The following CPQ variants were observed in gnomAD, a reference collection of about 807,000 sequenced individuals.
CPQ encodes carboxypeptidase Q.
Under a neutral mutation model 45.7 loss-of-function variants are expected in CPQ, and 37 were observed. The observed-to-expected ratio is 0.81, with a 90% CI of 0.62 to 1.07. CPQ has a LOEUF of 1.07. CPQ is among the 50% of genes least tolerant of loss of function. The pLI, the probability that CPQ is intolerant of heterozygous loss-of-function variation, is 0.00. For missense variants in CPQ, 537 were observed against 572.9 expected (o/e 0.94, Z 0.64); for synonymous variants, 186 against 205.8 (o/e 0.90, Z 0.82).
At chr8:97,109,863 C>A (rs1464182119) in intron 7 of CPQ, among the ~76,000 whole-genome samples, 1 of 152,142 alleles carries the variant, frequency 6.6e-6, no homozygotes, top group Non-Finnish European at 1.5e-5. Context: ...CTTCTATCTC[C>A]ATTTCTTCCT....
At chr8:96,699,613 CTACT>C (rs1354705517) in intron 1 of CPQ, among the ~76,000 whole-genome samples, 1 of 151,740 alleles carries the variant, frequency 6.6e-6, no homozygotes, top group African/African-American at 2.4e-5. Flanking sequence ...ATATATATAC[CTACT>C]ATGTACCCAC....
chr8:96,688,951 T>C (rs1479485752), intron 1 of CPQ, among the ~76,000 whole-genome samples: 2 of 152,194 alleles, frequency 1.3e-5, no homozygotes, highest in African/African-American at 4.8e-5. Context: ...TCTCAGCATG[T>C]AGGCTCTTAA....
At chr8:96,905,715 A>C (rs1288334614) in intron 4 of CPQ, among the ~76,000 whole-genome samples, 1 of 150,354 alleles carries the variant, frequency 6.7e-6, no homozygotes, top group Non-Finnish European at 1.5e-5. Context: ...TTCCCTTTAC[A>C]CATGGTGAAA....
At chr8:96,711,086 C>A (rs1172098736) in intron 1 of CPQ, among the ~76,000 whole-genome samples, 1 of 151,906 alleles carries the variant, frequency 6.6e-6, no homozygotes, top group African/African-American at 2.4e-5. Context: ...TTTTTGCCCC[C>A]CCTTTTTTTC....
At chr8:96,822,408 G>C (rs1008788241) in intron 2 of CPQ, among the ~76,000 whole-genome samples, 4 of 151,898 alleles carry the variant, frequency 2.6e-5, no homozygotes, top group African/African-American at 9.7e-5. Flanking sequence ...ATATTCTTTG[G>C]ATATGTGTAC....
At chr8:97,030,293 A>C (rs1416011940) in intron 6 of CPQ, among the ~76,000 whole-genome samples, 3 of 152,102 alleles carry the variant, frequency 2.0e-5, no homozygotes, top group Non-Finnish European at 4.4e-5. Flanking sequence ...AGATGAGAAG[A>C]AGCAGATCTT....
At chr8:96,938,630 T>A (rs537874872) in intron 4 of CPQ, among the ~76,000 whole-genome samples, 1 of 152,220 alleles carries the variant, frequency 6.6e-6, no homozygotes, top group African/African-American at 2.4e-5. Context: ...ATGCAGCCAG[T>A]TCTTAGCAAC....
intron 5 of CPQ, among the ~76,000 whole-genome samples, chr8:96,968,676 T>C (rs970878117): frequency 1.3e-5 from 2 of 152,234 alleles, no homozygotes; most frequent in Non-Finnish European, 2.9e-5. Context: ...CAGTGGAGCG[T>C]GTTAACTTGA....
chr8:97,028,665 C>T (rs1809842229), intron 5 of CPQ, among the ~76,000 whole-genome samples: 1 of 152,170 alleles, frequency 6.6e-6, no homozygotes, highest in African/African-American at 2.4e-5. Context: ...ACTGAGCTGA[C>T]ATTGTCAGCC....
chr8:96,880,037 C>T (rs750129395), intron 4 of CPQ, 32 bp downstream of exon 4: 14 of 1,575,138 alleles, frequency 8.9e-6, no homozygotes, highest in Non-Finnish European at 1.1e-5. Flanking sequence ...CCTAAGAATA[C>T]AGTTTCCTGG....
intron 1 of CPQ, among the ~76,000 whole-genome samples, chr8:96,681,750 A>T (rs1809155388): frequency 6.6e-6 from 1 of 152,208 alleles, no homozygotes; most frequent in South Asian, 2.1e-4. Flanking sequence ...CCATGAAAGC[A>T]GCCAGGAGGG....
chr8:97,076,306 G>A (rs527956912), intron 7 of CPQ, among the ~76,000 whole-genome samples: 1 of 152,300 alleles, frequency 6.6e-6, no homozygotes, highest in Non-Finnish European at 1.5e-5. Context: ...TTACAGTCAT[G>A]AGCCACTGAG....
Position 96,918,338 on chromosome 8 carries a change from A to T in CPQ, c.849+38333A>T, listed in dbSNP as rs966260135. Among the ~76,000 whole-genome samples, 7 of 152,112 alleles carry T rather than the reference A, an allele frequency of 4.6e-5. No individual in the cohort carries two copies. The South Asian group carries it at 1.2e-3, about 27-fold the overall frequency. ...AGCTTTATTGTACCTCCTTTCCCTG[A>T]CCTATTTCTTTACAACATAGTTATT... On this transcript the variant is annotated intron_variant, in intron 4 of 7. Transcript: ENST00000220763.
At chr8:97,123,072 AAAATAAAAT>A (rs1243996069) in intron 7 of CPQ, among the ~76,000 whole-genome samples, 4 of 120,640 alleles carry the variant, frequency 3.3e-5, no homozygotes, top group African/African-American at 1.4e-4. Context: ...TAAAAAAAAT[AAAATAAAAT>A]AAATAAAATA....
At chr8:96,789,404 T>C (rs1432774627) in intron 2 of CPQ, among the ~76,000 whole-genome samples, 6 of 152,222 alleles carry the variant, frequency 3.9e-5, no homozygotes, top group African/African-American at 1.4e-4. Flanking sequence ...GCTTCTGATG[T>C]TCCTGTTTAG....
At chr8:97,017,271 C>T (rs572163299) in intron 5 of CPQ, among the ~76,000 whole-genome samples, 5 of 152,274 alleles carry the variant, frequency 3.3e-5, no homozygotes, top group Admixed American at 1.3e-4. Context: ...CTCGCTGGCT[C>T]CCCTAGCAAG....
chr8:97,127,030 T>C (rs1200377769), intron 7 of CPQ, among the ~76,000 whole-genome samples: 1 of 152,140 alleles, frequency 6.6e-6, no homozygotes, highest in Non-Finnish European at 1.5e-5. Context: ...AAATGGATCA[T>C]AAACCTAAAT....
Position 97,066,114 on chromosome 8 carries a change from G to T in CPQ, c.1159G>T (p.Glu387Ter), listed in dbSNP as rs921379492. The T allele has an allele frequency of 6.2e-7, 1 of 1,612,346 alleles. No homozygotes were observed. Among genetic ancestry groups the T allele is most frequent in the Non-Finnish European group, 8.5e-7 (1 of 1,179,538 alleles). The change falls in exon 7 of 8, where the codon GAG becomes TAG. Residue 387 changes from glutamate to a stop codon, truncating the protein, a stop_gained. Transcript: ENST00000220763. LOFTEE classifies it high-confidence loss of function. Reference sequence around the variant, plus strand: ...TGAAAAGGCCAGGGCCATCATGGAGGAGGTTATGAGCCTGCTGCAGCCCCT... The same window carrying T: ...TGAAAAGGCCAGGGCCATCATGGAGTAGGTTATGAGCCTGCTGCAGCCCCT... ...GSEKARAIME[E>*]VMSLLQPLNI...
intron 7 of CPQ, among the ~76,000 whole-genome samples, chr8:97,124,998 G>T (rs1014688859): frequency 6.6e-6 from 1 of 152,024 alleles, no homozygotes; most frequent in African/African-American, 2.4e-5. Flanking sequence ...CTATAAAACT[G>T]ATAAACTATC....
Sources: gnomAD v4.1 joint callset for allele counts (sites outside exome capture counted in the v4.1 genomes callset) on GRCh38, gnomAD v4.1.1 for gene constraint, MANE v1.5 for transcripts, NCBI Gene and HGNC (gene_info 2026-07-23, HGNC 2026-07-21) for gene names.